The following GALNT13 variants were observed in gnomAD, a reference collection of about 807,000 sequenced individuals.
GALNT13 encodes polypeptide N-acetylgalactosaminyltransferase 13, also known as UDP-GalNAc:polypeptide N-acetylgalactosaminyltransferase 13.
Under a neutral mutation model 64.2 loss-of-function variants are expected in GALNT13, and 28 were observed. That is an observed-to-expected ratio of 0.44 (90% CI 0.32 to 0.60). The LOEUF is 0.60. Ranked by LOEUF, GALNT13 falls within the 20% of genes least tolerant of loss-of-function variation. The probability of loss-of-function intolerance (pLI) is 0.05; values close to 1 mark genes in which losing one functional copy is unlikely to be tolerated. For synonymous variants in GALNT13, 214 were observed against 224.6 expected, an observed-to-expected ratio of 0.95 and a Z score of 0.42; for missense variants, 577 against 669.8, an observed-to-expected ratio of 0.86 and a Z score of 1.53.
the GALNT13 span, among the ~76,000 whole-genome samples, chr2:153,495,689 C>A: frequency 1.3e-5 from 2 of 152,180 alleles, no homozygotes; most frequent in African/African-American, 2.4e-5. Flanking sequence ...ATATAAAATT[C>A]TAGAGAATGC....
the GALNT13 span, among the ~76,000 whole-genome samples, chr2:153,496,849 C>G: frequency 6.6e-6 from 1 of 151,710 alleles, no homozygotes; most frequent in East Asian, 1.9e-4. Context: ...AAAAAATTAC[C>G]CAGGTGTGGT....
the GALNT13 span, among the ~76,000 whole-genome samples, chr2:153,399,437 G>T: frequency 6.6e-6 from 1 of 152,144 alleles, no homozygotes; most frequent in Admixed American, 6.6e-5. Flanking sequence ...GAACTTTAAA[G>T]TAGTTTTTTC....
At chr2:153,311,988 A>G in the GALNT13 span, among the ~76,000 whole-genome samples, 4 of 152,198 alleles carry the variant, frequency 2.6e-5, no homozygotes, top group Admixed American at 2.6e-4. Context: ...TTTTTGTTTT[A>G]TAAATGTGTA....
chr2:153,679,688 C>A, the GALNT13 span, among the ~76,000 whole-genome samples: 2 of 151,854 alleles, frequency 1.3e-5, no homozygotes, highest in Admixed American at 1.3e-4. Context: ...CAATCTTCCA[C>A]CTTTTTAAAA....
the GALNT13 span, among the ~76,000 whole-genome samples, chr2:153,664,127 C>A: frequency 2.0e-5 from 3 of 152,150 alleles, no homozygotes; most frequent in Non-Finnish European, 4.4e-5. Flanking sequence ...ACTGGTCTGA[C>A]TAGAAATCAC....
chr2:153,913,672 G>T (rs957825224), intron 2 of GALNT13, among the ~76,000 whole-genome samples: 11 of 152,282 alleles, frequency 7.2e-5, no homozygotes, highest in African/African-American at 2.6e-4. Flanking sequence ...AGAGCAGCTT[G>T]CTCCTTGTGT....
chr2:154,409,677 A>G (rs1377311047), intron 11 of GALNT13, among the ~76,000 whole-genome samples: 1 of 151,950 alleles, frequency 6.6e-6, no homozygotes, highest in East Asian at 1.9e-4. Context: ...TTTTACTGCC[A>G]TGGCCACTTT....
upstream of GALNT13, among the ~76,000 whole-genome samples, chr2:153,871,689 C>T (rs949981317): frequency 6.6e-6 from 1 of 152,194 alleles, no homozygotes; most frequent in Non-Finnish European, 1.5e-5. Flanking sequence ...TTGCGCACAT[C>T]GCAGAAGCGC....
At chr2:153,726,154 C>G in the GALNT13 span, among the ~76,000 whole-genome samples, 2 of 152,016 alleles carry the variant, frequency 1.3e-5, no homozygotes, top group African/African-American at 4.8e-5. Context: ...TACACATATT[C>G]ACATGCATAT....
chr2:154,256,591 A>G (rs1216707156), intron 7 of GALNT13, among the ~76,000 whole-genome samples: 1 of 152,170 alleles, frequency 6.6e-6, no homozygotes, highest in Non-Finnish European at 1.5e-5. Context: ...GAGGAGCCCA[A>G]ATTAAATGAA....
chr2:153,105,832 G>A, the GALNT13 span, among the ~76,000 whole-genome samples: 2 of 152,232 alleles, frequency 1.3e-5, no homozygotes, highest in South Asian at 4.2e-4. Context: ...CCTCTTCAAG[G>A]AGAACTACAA....
the GALNT13 span, among the ~76,000 whole-genome samples, chr2:153,826,787 A>G: frequency 2.0e-5 from 3 of 152,212 alleles, no homozygotes; most frequent in South Asian, 6.2e-4. Context: ...ACTCAGGTAG[A>G]AGCATCGGAT....
At chr2:153,730,594 T>C in the GALNT13 span, among the ~76,000 whole-genome samples, 27 of 151,872 alleles carry the variant, frequency 1.8e-4, no homozygotes, top group African/African-American at 6.3e-4. Context: ...AAAGAAATTA[T>C]CAACAAATAA....
intron 3 of GALNT13, among the ~76,000 whole-genome samples, chr2:154,028,968 C>T (rs1304771170): frequency 6.6e-6 from 1 of 151,962 alleles, no homozygotes; most frequent in Non-Finnish European, 1.5e-5. Flanking sequence ...GAGACATGAG[C>T]ACTTGTTTTC....
At chr2:153,166,620 CAT>C in the GALNT13 span, among the ~76,000 whole-genome samples, 20 of 72,664 alleles carry the variant, frequency 2.8e-4, no homozygotes, top group South Asian at 1.6e-3. Flanking sequence ...TTGCCTACTG[CAT>C]GTGTGTGTGT....
chr2:154,190,788 A>G (rs1686533101), intron 4 of GALNT13, among the ~76,000 whole-genome samples: 1 of 152,186 alleles, frequency 6.6e-6, no homozygotes, highest in Non-Finnish European at 1.5e-5. Flanking sequence ...TTTCCTAGTA[A>G]TCACTTCAAA....
At chr2:153,750,667 C>T in the GALNT13 span, among the ~76,000 whole-genome samples, 12 of 151,624 alleles carry the variant, frequency 7.9e-5, no homozygotes, top group African/African-American at 2.4e-4. Context: ...GCAGTTGTAA[C>T]GTCTCCATTT....
chr2:154,317,799 A>G (rs1340442409), intron 9 of GALNT13, among the ~76,000 whole-genome samples: 2 of 152,114 alleles, frequency 1.3e-5, no homozygotes, highest in African/African-American at 4.8e-5. Context: ...TTCTACTTAT[A>G]AGGCATTGAG....
At chr2:153,871,251 C>A (rs1321127501), upstream of GALNT13, among the ~76,000 whole-genome samples, 1 of 152,188 alleles carries the variant, frequency 6.6e-6, no homozygotes, top group African/African-American at 2.4e-5. Flanking sequence ...TTCTTTACCT[C>A]TTCATAAAAA....
Sources: gnomAD v4.1 joint callset for allele counts (sites outside exome capture counted in the v4.1 genomes callset) on GRCh38, gnomAD v4.1.1 for gene constraint, MANE v1.5 for transcripts, NCBI Gene and HGNC (gene_info 2026-07-23, HGNC 2026-07-21) for gene names.